Variants in NRG1 observed in about 807,000 individuals in gnomAD.
NRG1 encodes neuregulin 1.
A neutral mutation model predicts 63.8 loss-of-function variants in NRG1; 18 were observed. That is an observed-to-expected ratio of 0.28 (90% CI 0.19 to 0.42). The LOEUF (loss-of-function observed/expected upper bound fraction) is 0.42, where lower values mean the gene tolerates loss of function less well. NRG1 is among the 10% of genes least tolerant of loss of function. NRG1 has a pLI of 1.00. For missense variants in NRG1, 762 were observed against 814.7 expected (o/e 0.94, Z 0.79); for synonymous variants, 302 against 301.3 (o/e 1.00, Z -0.02).
At chr8:32,179,305 A>G (rs1841174618) in intron 1 of NRG1, among the ~76,000 whole-genome samples, 1 of 152,010 alleles carries the variant, frequency 6.6e-6, no homozygotes, top group South Asian at 2.1e-4. Context: ...GCAAGAAAAG[A>G]CGCTTCACCT....
At chr8:31,716,937 A>T (rs1393669105) in intron 1 of NRG1, among the ~76,000 whole-genome samples, 1 of 152,250 alleles carries the variant, frequency 6.6e-6, no homozygotes, top group Non-Finnish European at 1.5e-5. Context: ...GTTAAAGAAA[A>T]GAAAGCTTAG....
chr8:32,034,401 C>G (rs1479387167), intron 1 of NRG1, among the ~76,000 whole-genome samples: 1 of 152,078 alleles, frequency 6.6e-6, no homozygotes, highest in Non-Finnish European at 1.5e-5. Context: ...GGTTATTGGC[C>G]TGAAGTTTTC....
intron 1 of NRG1, among the ~76,000 whole-genome samples, chr8:32,176,278 T>G (rs982950416): frequency 2.1e-4 from 32 of 152,154 alleles, no homozygotes; most frequent in Admixed American, 6.5e-5. Context: ...TAGCCATATG[T>G]AGAAAGCTGA....
At chr8:31,930,987 C>T (rs1015858261) in intron 1 of NRG1, among the ~76,000 whole-genome samples, 1 of 152,130 alleles carries the variant, frequency 6.6e-6, no homozygotes, top group Non-Finnish European at 1.5e-5. Context: ...GGATTTGTAT[C>T]ATTTCTCTGT....
chr8:31,643,336 G>T (rs1386166975), intron 1 of NRG1, among the ~76,000 whole-genome samples: 1 of 152,228 alleles, frequency 6.6e-6, no homozygotes, highest in African/African-American at 2.4e-5. Context: ...CAGGGGAACA[G>T]TTTCCAGCTC....
At chr8:32,691,017 C>G (rs181326108) in intron 5 of NRG1, among the ~76,000 whole-genome samples, 244 of 150,302 alleles carry the variant, frequency 1.6e-3, no homozygotes, top group Non-Finnish European at 2.9e-3. Flanking sequence ...CAAGAAAAGA[C>G]AATCTATAAA....
chr8:31,661,786 C>CA (rs1806018413), intron 1 of NRG1, among the ~76,000 whole-genome samples: 1 of 152,222 alleles, frequency 6.6e-6, no homozygotes, highest in African/African-American at 2.4e-5. Context: ...TTTGACATAG[C>CA]ATGACTTAGG....
intron 1 of NRG1, among the ~76,000 whole-genome samples, chr8:32,517,344 T>C (rs1480079775): frequency 6.6e-6 from 1 of 152,178 alleles, no homozygotes; most frequent in African/African-American, 2.4e-5. Flanking sequence ...TATTTTGTAA[T>C]AAAGATTAGA....
intron 1 of NRG1, among the ~76,000 whole-genome samples, chr8:32,411,789 G>A (rs887343676): frequency 6.6e-6 from 1 of 152,198 alleles, no homozygotes; most frequent in Non-Finnish European, 1.5e-5. Context: ...TGTAAAATCA[G>A]TTGCATCCGA....
In NRG1 at chr8:32,249,743, A is replaced by G. The variant is rs1848912693; in HGVS notation, c.38-346085A>G. Among the ~76,000 whole-genome samples the G allele has an allele frequency of 2.0e-5, 3 of 152,228 alleles. No homozygotes were observed. The South Asian group carries it at 6.2e-4, about 32-fold the overall frequency. ...ACAAAGGGCCCAAATAAGCCTTATT[A>G]CCTGTGTTGAGTAAACAAAGATCCC... On this transcript the variant is annotated intron_variant, in intron 1 of 10. Coordinates refer to the NRG1 transcript ENST00000519301.
At chr8:31,841,757 A>G (rs147942981) in intron 1 of NRG1, among the ~76,000 whole-genome samples, 1 of 152,354 alleles carries the variant, frequency 6.6e-6, no homozygotes, top group East Asian at 1.9e-4. Flanking sequence ...GATTTAAAAA[A>G]TTAATACTCA....
intron 5 of NRG1, among the ~76,000 whole-genome samples, chr8:32,671,006 G>A (rs1268126388): frequency 1.3e-5 from 2 of 152,066 alleles, no homozygotes; most frequent in Admixed American, 6.6e-5. Context: ...CCAGATTTCT[G>A]TTAGCCCCAG....
intron 1 of NRG1, among the ~76,000 whole-genome samples, chr8:31,910,458 T>C (rs904217267): frequency 6.6e-6 from 1 of 152,200 alleles, no homozygotes; most frequent in Admixed American, 6.5e-5. Flanking sequence ...TAAGAGGTCA[T>C]TCTATTTTAT....
intron 1 of NRG1, among the ~76,000 whole-genome samples, chr8:32,075,800 G>T (rs1422633444): frequency 5.3e-5 from 8 of 152,078 alleles, no homozygotes; most frequent in African/African-American, 1.9e-4. Context: ...CAGCCCCCAA[G>T]TAGCTGGGAT....
intron 1 of NRG1, among the ~76,000 whole-genome samples, chr8:32,213,060 G>T (rs769262284): frequency 7.2e-5 from 11 of 152,100 alleles, no homozygotes; most frequent in Non-Finnish European, 1.6e-4. Flanking sequence ...TTCTTGTATG[G>T]TGATTGGCTA....
chr8:31,827,548 A>G (rs1824692082), intron 1 of NRG1, among the ~76,000 whole-genome samples: 1 of 152,238 alleles, frequency 6.6e-6, no homozygotes, highest in South Asian at 2.1e-4. Flanking sequence ...TCTTGAGATG[A>G]AAGGCTGAGT....
intron 1 of NRG1, among the ~76,000 whole-genome samples, chr8:31,645,388 G>C (rs974538795): frequency 6.6e-6 from 1 of 152,198 alleles, no homozygotes; most frequent in Non-Finnish European, 1.5e-5. Flanking sequence ...GATTGTCCTA[G>C]TTGAGAGGTT....
chr8:32,694,705 A>C (rs558436843), intron 5 of NRG1, among the ~76,000 whole-genome samples: 1 of 152,312 alleles, frequency 6.6e-6, no homozygotes, highest in Non-Finnish European at 1.5e-5. Flanking sequence ...AGAGAGAGGG[A>C]GAGTTTGCTC....
chr8:32,723,688 CAAAAAAAAAAAAAA>C lies in NRG1; in HGVS notation c.503-4244_503-4231del, dbSNP rs530225180. On this transcript the variant is annotated intron_variant, in intron 5 of 11. Coordinates refer to ENST00000356819, the Ensembl canonical transcript of NRG1. Reference sequence around the variant, plus strand: ...CTGGCAACAGAGCTAGACTCCATCTCAAAAAAAAAAAAAAAAAAAAAAAAAAAAAACAATTGTGG... The same window carrying C: ...CTGGCAACAGAGCTAGACTCCATCTCAAAAAAAAAAAAAAAACAATTGTGG... Among the ~76,000 whole-genome samples the C allele has an allele frequency of 3.5e-4, 12 of 33,846 alleles. No individual in the cohort carries two copies. The East Asian group carries it at 9.5e-3, about 27-fold the overall frequency. The allele number at this position is 33,846 out of a possible 152,430, so 22.2% of individuals were successfully genotyped here.
Sources: allele counts gnomAD v4.1 joint callset (sites outside exome capture counted in the v4.1 genomes callset), GRCh38; gene constraint gnomAD v4.1.1; transcripts MANE v1.5; gene names NCBI Gene and HGNC (gene_info 2026-07-23, HGNC 2026-07-21).